LATS2: variants seen among roughly 807,000 people sequenced by gnomAD.
LATS2 encodes the protein large tumor suppressor kinase 2.
Under a neutral mutation model 76.0 loss-of-function variants are expected in LATS2, and 24 were observed. The observed-to-expected ratio is 0.32, with a 90% CI of 0.23 to 0.44. The LOEUF is 0.44. Among genes scored for constraint, LATS2 ranks in the 20% least tolerant of loss-of-function variants. The pLI, the probability that LATS2 is intolerant of heterozygous loss-of-function variation, is 1.00. For synonymous variants in LATS2, 692 were observed against 635.4 expected, an observed-to-expected ratio of 1.09 and a Z score of -1.34; for missense variants, 1,286 against 1,481.2, an observed-to-expected ratio of 0.87 and a Z score of 2.16.
At chr13:21,017,189 C>T (rs1485357657) in intron 2 of LATS2, among the ~76,000 whole-genome samples, 1 of 152,168 alleles carries the variant, frequency 6.6e-6, no homozygotes, top group Non-Finnish European at 1.5e-5. Context: ...CGGACGATAG[C>T]CATTAATCAT....
intron 2 of LATS2, among the ~76,000 whole-genome samples, chr13:20,998,728 G>A (rs1205548964): frequency 6.6e-6 from 1 of 152,230 alleles, no homozygotes; most frequent in African/African-American, 2.4e-5. Context: ...GGGGCCCCAA[G>A]GCCTTGTCAA....
rs572814474 is a variant in LATS2 at position 21,037,979 on chromosome 13, C to T, written c.342+7706G>A. 9.7e-4 allele frequency among the ~76,000 whole-genome samples: 148 copies of T among 152,278 alleles called. 1 individual carries two copies. The highest frequency in any genetic ancestry group is 3.2e-3 in the African/African-American group (134 of 41,548). ...CCTTTTCAGAATGAGGGGGGCTAGACACGGTGGCCCACGTTTGTAGTCCCA... is the reference window on the plus strand; with the variant it reads ...CCTTTTCAGAATGAGGGGGGCTAGATACGGTGGCCCACGTTTGTAGTCCCA... On this transcript the variant is annotated intron_variant, in intron 2 of 7. Coordinates refer to ENST00000382592, the MANE Select transcript of LATS2 (RefSeq NM_014572.3).
At chr13:21,025,217 T>C (rs1338853772) in intron 2 of LATS2, among the ~76,000 whole-genome samples, 1 of 134,932 alleles carries the variant, frequency 7.4e-6, no homozygotes, top group Non-Finnish European at 1.6e-5. Flanking sequence ...CCGTCTCTAC[T>C]AAAAAAAAAA....
Position 21,007,555 on chromosome 13 carries a change from A to G in LATS2, c.343-16151T>C, listed in dbSNP as rs1453567593. Among the ~76,000 whole-genome samples, 7 of 13,892 alleles carry G rather than the reference A, an allele frequency of 5.0e-4. No homozygotes were observed. In the East Asian group the frequency reaches 0.016, roughly 32 times the overall value. 9.1% of individuals were successfully genotyped at this position (13,892 alleles called of 152,430 possible). A position where few individuals can be genotyped will look rare whatever the true frequency, so the allele number is the denominator to read the frequency against. On this transcript the variant is annotated intron_variant, in intron 2 of 7. Coordinates refer to ENST00000382592, the MANE Select transcript of LATS2 (RefSeq NM_014572.3). ...GGATATATATATATAGTATATATATATATATATATATATATATATATATAT... is the reference window on the plus strand; with the variant it reads ...GGATATATATATATAGTATATATATGTATATATATATATATATATATATAT...
At chr13:21,000,701 T>C (rs1871004375) in intron 2 of LATS2, among the ~76,000 whole-genome samples, 1 of 152,132 alleles carries the variant, frequency 6.6e-6, no homozygotes, top group Non-Finnish European at 1.5e-5. Flanking sequence ...TAGAATACAC[T>C]TACCACAGCC....
intron 2 of LATS2, among the ~76,000 whole-genome samples, chr13:21,016,677 T>C (rs1180623367): frequency 6.6e-6 from 1 of 152,206 alleles, no homozygotes; most frequent in Non-Finnish European, 1.5e-5. Flanking sequence ...ACAGCAGCTC[T>C]CTGCTGCAAA....
chr13:20,973,457 TA>T lies in LATS2; in HGVS notation c.*1412del, dbSNP rs1352284309. Reference sequence around the variant, plus strand: ...AAGAATTGAACTTTTTACTCAAATATAAATCACTTTAAATAGGAATCATACT... The same window carrying T: ...AAGAATTGAACTTTTTACTCAAATATAATCACTTTAAATAGGAATCATACT... On this transcript the variant is annotated 3_prime_UTR_variant, in exon 8 of 8. Coordinates refer to ENST00000382592, the MANE Select transcript of LATS2 (RefSeq NM_014572.3). 4.3e-6 allele frequency: 1 copy of T among 232,630 alleles called. No homozygotes were observed. The allele number at this position is 232,630 out of a possible 1,614,324, so 14.4% of individuals were successfully genotyped here.
chr13:20,975,427 C>T, intron 7 of LATS2, 63 bp from the exon 8 acceptor site: 6 of 1,454,760 alleles, frequency 4.1e-6, no homozygotes, highest in Non-Finnish European at 5.5e-6. Context: ...TCTGGGACAG[C>T]GTGTGATGAC....
At chr13:20,998,724 C>T (rs895170696) in intron 2 of LATS2, among the ~76,000 whole-genome samples, 2 of 149,226 alleles carry the variant, frequency 1.3e-5, no homozygotes, top group African/African-American at 2.5e-5. Flanking sequence ...AGGTGGGGCC[C>T]CAAGGCCTTG....
intron 2 of LATS2, among the ~76,000 whole-genome samples, chr13:21,025,338 G>A (rs192564687): frequency 1.4e-5 from 2 of 147,244 alleles, no homozygotes; most frequent in East Asian, 3.9e-4. Flanking sequence ...GTTGCAATGA[G>A]CCAAGATCAT....
intron 2 of LATS2, among the ~76,000 whole-genome samples, chr13:21,019,388 G>A (rs11839279): frequency 0.023 from 3,448 of 149,452 alleles, 159 homozygotes; most frequent in African/African-American, 0.079. Flanking sequence ...GTGCAGTGGC[G>A]CAATCTCAGC....
chr13:21,021,474 C>CAAAAAAAAAAAAAAAA (rs58976562), intron 2 of LATS2, among the ~76,000 whole-genome samples: 1 of 48,372 alleles, frequency 2.1e-5, no homozygotes, highest in African/African-American at 6.9e-5. Context: ...GACTCTGTCT[C>CAAAAAAAAAAAAAAAA]AAAAAAAAAA....
chr13:20,987,795 G>T, intron 4 of LATS2, 86 bp downstream of exon 4: 1 of 1,482,744 alleles, frequency 6.7e-7, no homozygotes, highest in Non-Finnish European at 9.2e-7. Flanking sequence ...GTATACAGTC[G>T]AAACAGAAAA....
intron 2 of LATS2, among the ~76,000 whole-genome samples, chr13:21,002,758 T>A (rs1449841641): frequency 6.6e-6 from 1 of 152,144 alleles, no homozygotes; most frequent in Non-Finnish European, 1.5e-5. Context: ...AGTGGTGCAA[T>A]CAAAGCTCAC....
intron 2 of LATS2, among the ~76,000 whole-genome samples, chr13:21,006,423 T>C (rs1397524987): frequency 6.6e-6 from 1 of 152,198 alleles, no homozygotes; most frequent in African/African-American, 2.4e-5. Context: ...AGACTCGTTG[T>C]GGCACCTAAG....
At chr13:21,033,529 A>G (rs1378775679) in intron 2 of LATS2, among the ~76,000 whole-genome samples, 2 of 151,826 alleles carry the variant, frequency 1.3e-5, no homozygotes, top group Admixed American at 6.6e-5. Flanking sequence ...CCAGAAAAAT[A>G]GTGGAAACAC....
At chr13:21,007,668 GTA>G (rs1289642643) in intron 2 of LATS2, among the ~76,000 whole-genome samples, 30 of 1,264 alleles carry the variant, frequency 0.024, 8 homozygotes, top group South Asian at 0.071. Context: ...TATATAGTGT[GTA>G]TATATATATA....
Position 20,989,069 on chromosome 13 carries a change from G to T in LATS2, c.711C>A (p.Ala237=). ...QHQHPPKGYG[A]SVEAAGAHFP... Reference sequence around the variant, plus strand: ...AGTGTGCCCCTGCTGCCTCTACGCTGGCACCGTAGCCCTTGGGTGGGTGCT... The same window carrying T: ...AGTGTGCCCCTGCTGCCTCTACGCTTGCACCGTAGCCCTTGGGTGGGTGCT... The change falls in exon 4 of 8, where the codon GCC becomes GCA. Residue 237 remains alanine (A), a synonymous_variant. Transcript: ENST00000382592. The T allele has an allele frequency of 6.3e-7, 1 of 1,588,962 alleles. No homozygotes were observed. The highest frequency in any genetic ancestry group is 8.5e-7 in the Non-Finnish European group (1 of 1,171,242).
intron 2 of LATS2, among the ~76,000 whole-genome samples, chr13:20,997,856 C>T (rs1032748142): frequency 5.9e-5 from 9 of 152,186 alleles, no homozygotes; most frequent in Admixed American, 4.6e-4. Flanking sequence ...AATGCAGTGA[C>T]AATTATTATG....
Sources: allele counts gnomAD v4.1 joint callset (sites outside exome capture counted in the v4.1 genomes callset), GRCh38; gene constraint gnomAD v4.1.1; transcripts MANE v1.5; gene names NCBI Gene and HGNC (gene_info 2026-07-23, HGNC 2026-07-21).